The following PCDH15 variants were observed in gnomAD, a reference collection of about 807,000 sequenced individuals.
PCDH15 encodes protocadherin-15.
PCDH15 carries 129 observed loss-of-function variants against 178.5 expected under a neutral mutation model. The observed-to-expected ratio is 0.72, with a 90% CI of 0.63 to 0.84. PCDH15 has a LOEUF of 0.84. Ranked by LOEUF, PCDH15 falls within the 40% of genes least tolerant of loss-of-function variation. The pLI is 0.00. For missense variants in PCDH15, 2,230 were observed against 2,099.9 expected (o/e 1.06, Z -1.21); for synonymous variants, 800 against 732.0 (o/e 1.09, Z -1.50).
rs116353975 is a variant in PCDH15, at chr10:54,102,471, A to G, written c.1918-12408T>C. Among the ~76,000 whole-genome samples the G allele has an allele frequency of 3.5e-3, 530 of 152,354 alleles. 2 individuals carry two copies. Among genetic ancestry groups the G allele is most frequent in the African/African-American group, 0.011 (456 of 41,590 alleles). On this transcript the variant is annotated intron_variant, in intron 15 of 37. Transcript: ENST00000644397. ...TTGGAGTCACCACTTCATTAAGCTT[A>G]CAATAGTCCACTGTCATTCTCCAAG...
intron 3 of PCDH15, among the ~76,000 whole-genome samples, chr10:54,524,844 G>A (rs1346922683): frequency 5.3e-5 from 8 of 152,106 alleles, no homozygotes; most frequent in Non-Finnish European, 1.0e-4. Flanking sequence ...CAGCAATTGT[G>A]ATGAAAATAA....
chr10:54,936,840 T>G (rs554844326), intron 2 of PCDH15, among the ~76,000 whole-genome samples: 103 of 151,956 alleles, frequency 6.8e-4, no homozygotes, highest in African/African-American at 2.4e-3. Flanking sequence ...AAGCACAAAA[T>G]TTTTAATTTT....
chr10:55,231,585 A>G (rs1021688453), intron 1 of PCDH15, among the ~76,000 whole-genome samples: 6 of 152,180 alleles, frequency 3.9e-5, no homozygotes, highest in African/African-American at 1.4e-4. Context: ...TCCAGAAATT[A>G]GCAAATTTCC....
Position 53,816,295 on chromosome 10 carries a change from A to G in PCDH15, c.4453-18T>C. On this transcript the variant is annotated intron_variant, in intron 34 of 37. Coordinates refer to ENST00000644397, the MANE Select transcript of PCDH15 (RefSeq NM_001384140.1). ...TGCTGTTGCTGTCAAAGGAAATTAA[A>G]ATAGAAAAAGATTTAGAAAATAATT... 5.0e-6 allele frequency: 2 copies of G among 398,790 alleles called. No homozygotes were observed. The highest frequency in any genetic ancestry group is 8.9e-6 in the Non-Finnish European group (2 of 225,916). 24.7% of individuals were successfully genotyped at this position (398,790 alleles called of 1,614,324 possible). A position where few individuals can be genotyped will look rare whatever the true frequency, so the allele number is the denominator to read the frequency against.
chr10:54,919,281 G>T (rs923122847), intron 2 of PCDH15, among the ~76,000 whole-genome samples: 1 of 151,988 alleles, frequency 6.6e-6, no homozygotes, highest in African/African-American at 2.4e-5. Flanking sequence ...TACAATATAT[G>T]ATTTCTGTTC....
chr10:53,811,978 T>G (rs1183159623), intron 35 of PCDH15, among the ~76,000 whole-genome samples: 1 of 152,232 alleles, frequency 6.6e-6, no homozygotes, highest in East Asian at 1.9e-4. Context: ...AACTCAATTT[T>G]AAGTTAAATT....
chr10:54,605,089 CAT>C lies in PCDH15; in HGVS notation c.91+59081_91+59082del, dbSNP rs556521034. Among the ~76,000 whole-genome samples the C allele has an allele frequency of 3.1e-3, 474 of 151,828 alleles. 3 individuals carry two copies. Among genetic ancestry groups the C allele is most frequent in the African/African-American group, 0.011 (451 of 41,494 alleles). ...TGATATCAGAATTTACATATCTTAA[CAT>C]GTGTATCTATTAATGTAATTTTAGT... is the stretch of plus-strand genomic sequence containing the variant. On this transcript the variant is annotated intron_variant, in intron 2 of 37. Coordinates refer to ENST00000644397, the MANE Select transcript of PCDH15 (RefSeq NM_001384140.1).
chr10:54,664,129 A>G, intron 2 of PCDH15, 43 bp downstream of exon 2: 13 of 1,434,118 alleles, frequency 9.1e-6, no homozygotes, highest in Non-Finnish European at 1.2e-5. Flanking sequence ...GTAATAATAA[A>G]AATCCTGGCT....
At chr10:55,624,122 A>G (rs1488196650) in intron 2 of PCDH15, among the ~76,000 whole-genome samples, 3 of 151,968 alleles carry the variant, frequency 2.0e-5, no homozygotes, top group Non-Finnish European at 4.4e-5. Context: ...CTCTGTCACT[A>G]TGTGTCAATC....
chr10:55,378,877 ATCTCTCTC>A (rs67020951), intron 2 of PCDH15, among the ~76,000 whole-genome samples: 34 of 124,188 alleles, frequency 2.7e-4, no homozygotes, highest in East Asian at 2.2e-3. Context: ...AACTCTCCCC[ATCTCTCTC>A]TCTCTCTCTC....
intron 2 of PCDH15, among the ~76,000 whole-genome samples, chr10:55,583,679 C>T (rs896670323): frequency 6.6e-6 from 1 of 152,058 alleles, no homozygotes; most frequent in Non-Finnish European, 1.5e-5. Context: ...GGTGATCCAC[C>T]CATCTCGGCC....
chr10:53,825,974 CTTA>C (rs1459908079), intron 32 of PCDH15, among the ~76,000 whole-genome samples: 3 of 151,506 alleles, frequency 2.0e-5, no homozygotes, highest in Non-Finnish European at 4.4e-5. Flanking sequence ...TATACCTGTT[CTTA>C]TTAATTTAAA....
At chr10:55,377,314 C>T (rs1382860787) in intron 2 of PCDH15, among the ~76,000 whole-genome samples, 1 of 151,744 alleles carries the variant, frequency 6.6e-6, no homozygotes, top group South Asian at 2.1e-4. Context: ...ATTTTCTACC[C>T]GACAGTGCCA....
intron 3 of PCDH15, among the ~76,000 whole-genome samples, chr10:54,425,394 A>T (rs1368332638): frequency 1.3e-5 from 2 of 152,058 alleles, no homozygotes; most frequent in East Asian, 3.9e-4. Context: ...CTACCTTGGG[A>T]CTCTTCTGAG....
At chr10:54,750,286 T>G (rs1453047184) in intron 1 of PCDH15, among the ~76,000 whole-genome samples, 1 of 116,484 alleles carries the variant, frequency 8.6e-6, no homozygotes, top group African/African-American at 3.0e-5. Flanking sequence ...AGTTAAACAG[T>G]AAATAATTAA....
chr10:55,473,277 ACT>A (rs1253681663), intron 2 of PCDH15, among the ~76,000 whole-genome samples: 1 of 151,944 alleles, frequency 6.6e-6, no homozygotes, highest in African/African-American at 2.4e-5. Flanking sequence ...TTTTTTATGC[ACT>A]CTCTTGAAGA....
At position 54,073,095 on chromosome 10, in the gene PCDH15, A is replaced by G. The variant is rs200868105; in HGVS notation, c.2092-6210T>C. Among the ~76,000 whole-genome samples the G allele has an allele frequency of 2.0e-5, 3 of 152,072 alleles. No homozygotes were observed. In the East Asian group the frequency reaches 5.8e-4, roughly 29 times the overall value. On this transcript the variant is annotated intron_variant, in intron 17 of 37. Coordinates refer to ENST00000644397, the MANE Select transcript of PCDH15 (RefSeq NM_001384140.1). ...TAAAGAAGCTTTTTTTTCTCTGTGC[A>G]CATCTGAGTGTAGTGTGTAAAGATT... is the stretch of plus-strand genomic sequence containing the variant.
chr10:54,066,643 C>T (rs2094141465), intron 18 of PCDH15, 114 bp downstream of exon 18: 2 of 1,017,476 alleles, frequency 2.0e-6, no homozygotes, highest in Non-Finnish European at 3.0e-6. Flanking sequence ...GAAGAATATC[C>T]AGCACAGTCA....
intron 25 of PCDH15, among the ~76,000 whole-genome samples, chr10:53,908,728 G>A (rs1468794990): frequency 2.6e-5 from 4 of 152,262 alleles, no homozygotes; most frequent in African/African-American, 9.6e-5. Context: ...GGAAAGGACT[G>A]TGCTTTTCTT....
Sources: allele counts gnomAD v4.1 joint callset (sites outside exome capture counted in the v4.1 genomes callset), GRCh38; gene constraint gnomAD v4.1.1; transcripts MANE v1.5; gene names NCBI Gene and HGNC (gene_info 2026-07-23, HGNC 2026-07-21).